MYO5A: variants seen among roughly 807,000 people sequenced by gnomAD.
MYO5A encodes the protein unconventional myosin-Va.
MYO5A carries 98 observed loss-of-function variants against 249.7 expected under a neutral mutation model. That is an observed-to-expected ratio of 0.39 (90% confidence interval 0.33 to 0.46). The LOEUF (loss-of-function observed/expected upper bound fraction) is 0.46, where lower values mean the gene tolerates loss of function less well. MYO5A is among the 20% of genes least tolerant of loss of function. MYO5A has a pLI of 0.98. For missense variants in MYO5A, 1,696 were observed against 2,308.8 expected, an observed-to-expected ratio of 0.73 and a Z score of 5.44; for synonymous variants, 778 against 810.6, an observed-to-expected ratio of 0.96 and a Z score of 0.68.
In MYO5A at chr15:52,359,535, T is replaced by C. The variant is rs535682729; in HGVS notation, c.3423+433A>G. 1.7e-3 allele frequency among the ~76,000 whole-genome samples: 262 copies of C among 152,286 alleles called. 2 individuals are homozygous for C. The highest frequency in any genetic ancestry group is 2.7e-3 in the Non-Finnish European group (186 of 68,014). On this transcript the variant is annotated intron_variant, in intron 25 of 41. Coordinates refer to ENST00000399233, the MANE Select transcript of MYO5A (RefSeq NM_001382347.1). ...TTGCTAAACTCTGGGGCACTGGTGT[T>C]TATAATATTCAAGGACAAAGGGCTT...
chr15:52,340,675 G>A (rs2039336105), intron 31 of MYO5A, among the ~76,000 whole-genome samples: 1 of 152,156 alleles, frequency 6.6e-6, no homozygotes, highest in African/African-American at 2.4e-5. Context: ...GGCCGGGTGT[G>A]GTGGCTCACG....
chr15:52,508,061 CCTAACT>C (rs2077311468), intron 1 of MYO5A, among the ~76,000 whole-genome samples: 1 of 150,532 alleles, frequency 6.6e-6, no homozygotes, highest in Non-Finnish European at 1.5e-5. Context: ...AGAAGCTCAA[CCTAACT>C]CTAGAGATGA....
chr15:52,479,469 A>C (rs1400103684), intron 1 of MYO5A, among the ~76,000 whole-genome samples: 1 of 152,086 alleles, frequency 6.6e-6, no homozygotes, highest in South Asian at 2.1e-4. Flanking sequence ...CAATATATTT[A>C]TTTTTAAAAA....
chr15:52,409,051 T>C (rs1261281995), intron 6 of MYO5A, among the ~76,000 whole-genome samples: 1 of 152,096 alleles, frequency 6.6e-6, no homozygotes, highest in African/African-American at 2.4e-5. Flanking sequence ...GTATGCCTTT[T>C]CTGATTGTGT....
At chr15:52,409,955 G>C (rs1207858190) in intron 6 of MYO5A, among the ~76,000 whole-genome samples, 1 of 151,970 alleles carries the variant, frequency 6.6e-6, no homozygotes, top group African/African-American at 2.4e-5. Context: ...GAAGGAAAGA[G>C]GACAAGATAA....
chr15:52,328,270 A>G (rs1278910257), intron 35 of MYO5A, among the ~76,000 whole-genome samples: 2 of 150,672 alleles, frequency 1.3e-5, no homozygotes, highest in African/African-American at 5.0e-5. Context: ...CTTCTTGACA[A>G]CTCTGCTCAG....
chr15:52,493,216 G>A (rs555743118), intron 1 of MYO5A, among the ~76,000 whole-genome samples: 6 of 152,234 alleles, frequency 3.9e-5, no homozygotes, highest in African/African-American at 1.4e-4. Context: ...CAGATTAAGT[G>A]GCTAGCAAAT....
chr15:52,382,892 A>G lies in MYO5A; in HGVS notation c.2012+199T>C, dbSNP rs116484298. The stretch of plus-strand genomic sequence containing the variant: ...GTTTTCAAATCTTCAGATGGCTGCT[A>G]ATTTACTCTCACATTCTCAAAAGGG... On this transcript the variant is annotated intron_variant, in intron 16 of 41. Transcript: ENST00000399233. Among the ~76,000 whole-genome samples the G allele has an allele frequency of 6.5e-3, 988 of 152,342 alleles. 17 individuals are homozygous for G. Among genetic ancestry groups the G allele is most frequent in the African/African-American group, 0.023 (950 of 41,582 alleles).
intron 1 of MYO5A, among the ~76,000 whole-genome samples, chr15:52,478,137 G>T (rs1334299517): frequency 1.3e-5 from 2 of 152,248 alleles, no homozygotes; most frequent in Non-Finnish European, 2.9e-5. Flanking sequence ...CAGCCTCGCT[G>T]CCACCTTGCA....
intron 1 of MYO5A, among the ~76,000 whole-genome samples, chr15:52,522,602 A>C (rs2077645379): frequency 6.6e-6 from 1 of 152,176 alleles, no homozygotes; most frequent in Non-Finnish European, 1.5e-5. Flanking sequence ...AAATACATCC[A>C]AGTCTATCCT....
In MYO5A at chr15:52,397,241, C is replaced by T; in HGVS notation, c.1279G>A (p.Val427Ile). ...DNVNQALHSA[V>I]KQHSFIGVLD... ...ACACCAATAAAAGAGTGCTGTTTGA[C>T]AGCAGAATGGAGAGCCTGATTGACA... The change falls in exon 10 of 42, where the codon GTC (valine) becomes ATC (isoleucine). Residue 427 changes from valine to isoleucine, a missense_variant. Around this residue, in one of 5 missense-constraint regions of MYO5A, gnomAD observed 185 missense variants for 204.8 expected, o/e 0.90. Coordinates refer to ENST00000399233, the MANE Select transcript of MYO5A (RefSeq NM_001382347.1). 2 of 1,614,092 alleles carry T rather than the reference C, an allele frequency of 1.2e-6. No homozygotes were observed. Among genetic ancestry groups the T allele is most frequent in the Non-Finnish European group, 1.7e-6 (2 of 1,179,986 alleles).
In MYO5A at chr15:52,384,326, A is replaced by G; in HGVS notation, c.1753-4T>C. On this transcript the variant is annotated splice_polypyrimidine_tract_variant and splice_region_variant and intron_variant, in intron 14 of 41. Transcript: ENST00000399233. ...ATAGTTCTGGTAGCATCTTAAACTAAGTCAGAAACAATATAAAGAAATTAC... is the reference window on the plus strand; with the variant it reads ...ATAGTTCTGGTAGCATCTTAAACTAGGTCAGAAACAATATAAAGAAATTAC... The G allele has an allele frequency of 6.2e-7, 1 of 1,614,000 alleles. No homozygotes were observed.
At chr15:52,379,349 T>C (rs528824109) in intron 18 of MYO5A, among the ~76,000 whole-genome samples, 1 of 152,340 alleles carries the variant, frequency 6.6e-6, no homozygotes, top group Non-Finnish European at 1.5e-5. Flanking sequence ...TGGTGTCTTC[T>C]AGATGTAAGT....
chr15:52,392,185 A>T, intron 11 of MYO5A, 115 bp from the exon 12 acceptor site: 1 of 1,009,260 alleles, frequency 9.9e-7, no homozygotes, highest in Non-Finnish European at 1.5e-6. Flanking sequence ...CAACAACCTC[A>T]CGGGAGAAGC....
intron 34 of MYO5A, 127 bp from the exon 35 acceptor site, chr15:52,330,626 C>T: frequency 1.3e-5 from 14 of 1,091,550 alleles, no homozygotes; most frequent in Non-Finnish European, 1.7e-5. Flanking sequence ...CACTTAATTG[C>T]CTTCTCTTAA....
At chr15:52,497,792 A>G (rs1595795235) in intron 1 of MYO5A, among the ~76,000 whole-genome samples, 1 of 151,240 alleles carries the variant, frequency 6.6e-6, no homozygotes, top group African/African-American at 2.4e-5. Context: ...CAGAAGAAGA[A>G]ATTGAGGGCA....
chr15:52,387,956 A>C (rs371850205), intron 13 of MYO5A, 44 bp from the exon 14 acceptor site: 1 of 1,311,794 alleles, frequency 7.6e-7, no homozygotes, highest in African/African-American at 1.5e-5. Flanking sequence ...AAAACTTTTG[A>C]ATAGATATTA....
intron 20 of MYO5A, 69 bp downstream of exon 20, chr15:52,375,235 C>G: frequency 1.3e-6 from 2 of 1,513,204 alleles, no homozygotes; most frequent in Non-Finnish European, 1.8e-6. Context: ...CCCTGTGGTA[C>G]TCTGTATAGA....
In MYO5A at chr15:52,309,621, T is replaced by C. The variant is rs2037715562; in HGVS notation, c.*4075A>G. 1 of 152,164 alleles carries C rather than the reference T, an allele frequency of 6.6e-6. No homozygotes were observed. Among genetic ancestry groups the C allele is most frequent in the Non-Finnish European group, 1.5e-5 (1 of 68,066 alleles). 9.4% of individuals were successfully genotyped at this position (152,164 alleles called of 1,614,324 possible). Reference sequence around the variant, plus strand: ...TTCCCAAGCTATCATCAGAAATGATTGTAGAAGCGACCCCACCTACCGTCC... The same window carrying C: ...TTCCCAAGCTATCATCAGAAATGATCGTAGAAGCGACCCCACCTACCGTCC... On this transcript the variant is annotated 3_prime_UTR_variant, in exon 42 of 42. Transcript: ENST00000399233.
Sources: allele counts gnomAD v4.1 joint callset (sites outside exome capture counted in the v4.1 genomes callset), GRCh38; gene constraint gnomAD v4.1.1; regional missense constraint gnomAD v4.1.1; transcripts MANE v1.5; gene names NCBI Gene and HGNC (gene_info 2026-07-23, HGNC 2026-07-21).